ECT2: variants seen among roughly 807,000 people sequenced by gnomAD.
ECT2 encodes the protein epithelial cell transforming 2, also known as protein ECT2.
In ECT2, 61 loss-of-function variants were observed where a neutral mutation model predicts 116.9. The observed-to-expected ratio is 0.52, with a 90% CI of 0.42 to 0.65. ECT2 has a LOEUF of 0.65. Ranked by LOEUF, ECT2 falls within the 30% of genes least tolerant of loss-of-function variation. The pLI is 0.00. For missense variants in ECT2, 937 were observed against 1,078.7 expected, an observed-to-expected ratio of 0.87 and a Z score of 1.84; for synonymous variants, 358 against 346.4, an observed-to-expected ratio of 1.03 and a Z score of -0.37.
At chr3:172,762,606 C>G in intron 9 of ECT2, 60 bp downstream of exon 9, 1 of 1,575,948 alleles carries the variant, frequency 6.3e-7, no homozygotes, top group South Asian at 1.2e-5. Flanking sequence ...TGCTTAATCA[C>G]TTCCTGGTCA....
At chr3:172,751,106 G>T (rs567102661) in intron 1 of ECT2, 3 of 152,446 alleles carry the variant, frequency 2.0e-5, no homozygotes, top group African/African-American at 7.2e-5. Flanking sequence ...GGCTCTTTTG[G>T]ACAGAAGAGT....
chr3:172,785,539 A>T (rs1223442389), intron 17 of ECT2, among the ~76,000 whole-genome samples: 6 of 151,928 alleles, frequency 3.9e-5, no homozygotes. Flanking sequence ...AAGAAGGATA[A>T]CTAAATTATA....
intron 14 of ECT2, among the ~76,000 whole-genome samples, chr3:172,779,267 T>C (rs1363017518): frequency 6.6e-6 from 1 of 152,206 alleles, no homozygotes; most frequent in East Asian, 1.9e-4. Context: ...AAGATTAGAC[T>C]TATTTATAAT....
intron 18 of ECT2, among the ~76,000 whole-genome samples, chr3:172,802,407 C>A (rs904319582): frequency 3.9e-5 from 6 of 152,136 alleles, no homozygotes; most frequent in African/African-American, 1.4e-4. Flanking sequence ...GTCACCGCAC[C>A]TGGCCGGAAG....
chr3:172,822,461 G>C (rs1393289889), downstream of ECT2, among the ~76,000 whole-genome samples: 5 of 151,990 alleles, frequency 3.3e-5, no homozygotes, highest in African/African-American at 1.2e-4. Flanking sequence ...AATGCTAAGT[G>C]TAGACTGATA....
At chr3:172,754,715 T>A (rs1716611268) in intron 2 of ECT2, 55 bp downstream of exon 2, 7 of 1,357,954 alleles carry the variant, frequency 5.2e-6, no homozygotes, top group Non-Finnish European at 5.0e-6. Context: ...TCTAAACTTA[T>A]TAGTGACTTT....
chr3:172,818,362 A>G (rs1300745512), intron 24 of ECT2: 3 of 230,634 alleles, frequency 1.3e-5, no homozygotes, highest in African/African-American at 7.0e-5. Flanking sequence ...TCTCGAAGCC[A>G]CCTGTAGCAA....
At chr3:172,812,007 A>G (rs1205576785) in intron 22 of ECT2, among the ~76,000 whole-genome samples, 1 of 148,574 alleles carries the variant, frequency 6.7e-6, no homozygotes, top group African/African-American at 2.5e-5. Flanking sequence ...TTTGGGAGAC[A>G]AAGTCTTGCT....
intron 14 of ECT2, among the ~76,000 whole-genome samples, chr3:172,776,303 A>G (rs1048618317): frequency 1.3e-5 from 2 of 150,600 alleles, no homozygotes; most frequent in Admixed American, 6.6e-5. Context: ...GGTTTGTCAA[A>G]TATTTAAAAA....
At chr3:172,781,115 G>A (rs1299384653) in intron 14 of ECT2, among the ~76,000 whole-genome samples, 2 of 152,096 alleles carry the variant, frequency 1.3e-5, no homozygotes, top group African/African-American at 2.4e-5. Flanking sequence ...CTTTTTGCAT[G>A]TGGGATATCT....
rs770168641 is a variant in ECT2 at position 172,802,917 on chromosome 3, A to T, written c.2043A>T (p.Leu681=). ...TACAGCGGGTTGAAACAATTTCTCT[A>T]GGTGAGCACCCCTGTGACAGAGGAG... ...SLVQRVETIS[L]GEHPCDRGEQ... is the part of the protein sequence containing the mutation. Residue 681 remains leucine, a synonymous_variant, in exon 20 of 25, where the codon CTA becomes CTT. Coordinates refer to ENST00000392692, the MANE Select transcript of ECT2 (RefSeq NM_001258315.2). The T allele has an allele frequency of 2.7e-5, 44 of 1,613,214 alleles. No individual in the cohort carries two copies. Among genetic ancestry groups the T allele is most frequent in the Non-Finnish European group, 3.7e-5 (44 of 1,179,556 alleles).
In ECT2 at chr3:172,815,706, A is replaced by G. The variant is rs760987903; in HGVS notation, c.2503A>G (p.Lys835Glu). ...RASRAIKKTS[K>E]KVTRAFSFSK... ...ATCAAGAGCAATAAAAAAGACTTCA[A>G]AAAAGGTGAGTTTTAGTGAAAGTAT... Residue 835 changes from lysine to glutamate, a missense_variant, in exon 23 of 25, where the codon AAA (lysine) becomes GAA (glutamate). Lys to Glu is a moderately conservative substitution (Grantham distance 56). Transcript: ENST00000392692. 1.9e-6 allele frequency: 3 copies of G among 1,584,950 alleles called. No homozygotes were observed. Among genetic ancestry groups the G allele is most frequent in the African/African-American group, 2.7e-5 (2 of 73,812 alleles).
chr3:172,799,650 A>C (rs940102686), intron 18 of ECT2, among the ~76,000 whole-genome samples: 3 of 152,290 alleles, frequency 2.0e-5, no homozygotes, highest in Non-Finnish European at 4.4e-5. Context: ...CTTTAATTCA[A>C]CCCAGTTCTA....
chr3:172,755,241 A>C (rs550157915), intron 2 of ECT2, 54 bp from the exon 3 acceptor site: 3 of 1,389,978 alleles, frequency 2.2e-6, no homozygotes, highest in African/African-American at 3.0e-5. Context: ...ATAAGGACCT[A>C]CTGATTGTGA....
At chr3:172,755,161 C>T (rs1716704260) in intron 2 of ECT2, 134 bp from the exon 3 acceptor site, 1 of 581,126 alleles carries the variant, frequency 1.7e-6, no homozygotes, top group Non-Finnish European at 2.9e-6. Flanking sequence ...GGAGTTGAGT[C>T]CTATTAAATT....
chr3:172,755,633 C>A, intron 4 of ECT2, 58 bp downstream of exon 4: 1 of 935,030 alleles, frequency 1.1e-6, no homozygotes, highest in South Asian at 1.8e-5. Flanking sequence ...TTGTATTATT[C>A]TACTTTCTGG....
Position 172,784,768 on chromosome 3 carries a change from TAC to T in ECT2, c.1792_1793del (p.Gln598GlufsTer11). 2.5e-6 allele frequency: 4 copies of T among 1,612,322 alleles called. No individual in the cohort carries two copies. Among genetic ancestry groups the T allele is most frequent in the Non-Finnish European group, 3.4e-6 (4 of 1,178,612 alleles). ...CTTGTTGAACTTCTTATCCGACCAG[TAC>T]AGAGGTTACCCAGTGTTGCATTACT... On this transcript the variant is annotated frameshift_variant, in exon 17 of 25. Transcript: ENST00000392692. LOFTEE classifies it high-confidence loss of function.
At chr3:172,828,999 A>G in the ECT2 span, 4 of 1,030,998 alleles carry the variant, frequency 3.9e-6, no homozygotes, top group Admixed American at 5.2e-5. Context: ...CCCAGGAGAC[A>G]ACACTGGTCT....
chr3:172,782,044 C>T (rs1439682647), intron 14 of ECT2, 119 bp from the exon 15 acceptor site: 3 of 449,328 alleles, frequency 6.7e-6, no homozygotes, highest in East Asian at 6.9e-5. Flanking sequence ...CATTATTTTA[C>T]ACATCAAATT....
Sources: gnomAD v4.1 joint callset for allele counts (sites outside exome capture counted in the v4.1 genomes callset) on GRCh38, gnomAD v4.1.1 for gene constraint, MANE v1.5 for transcripts, NCBI Gene and HGNC (gene_info 2026-07-23, HGNC 2026-07-21) for gene names.